Variants in MRPL47 observed in about 807,000 individuals in gnomAD.
MRPL47 encodes large ribosomal subunit protein uL29m.
A neutral mutation model predicts 34.0 loss-of-function variants in MRPL47; 31 were observed. The observed-to-expected ratio is 0.91, with a 90% CI of 0.68 to 1.23. The LOEUF (loss-of-function observed/expected upper bound fraction) is 1.23. Ranked by LOEUF, MRPL47 falls within the 50% of genes most tolerant of loss-of-function variation. MRPL47 has a pLI of 0.00. For synonymous variants in MRPL47, 106 were observed against 101.6 expected (o/e 1.04, Z -0.26); for missense variants, 328 against 285.8 (o/e 1.15, Z -1.07).
chr3:179,601,708 T>C lies in MRPL47; in HGVS notation c.305+22A>G, dbSNP rs755825714. On this transcript the variant is annotated intron_variant, in intron 3 of 6. Coordinates refer to ENST00000476781, the MANE Select transcript of MRPL47 (RefSeq NM_020409.3). ...TATAACGGCTTCAAACGTCTAGATG[T>C]TAATGTACTTAGTATACTTACCAAA... 10 of 1,462,642 alleles carry C rather than the reference T, an allele frequency of 6.8e-6. 1 individual carries two copies. In the South Asian group the frequency reaches 1.2e-4, roughly 17 times the overall value. The allele number at this position is 1,462,642 out of a possible 1,614,324, so 90.6% of individuals were successfully genotyped here.
intron 4 of MRPL47, among the ~76,000 whole-genome samples, chr3:179,597,421 T>G (rs77206816): frequency 3.8e-4 from 58 of 152,296 alleles, no homozygotes; most frequent in Non-Finnish European, 6.9e-4. Flanking sequence ...TTATAAAAAC[T>G]GAGTTCTGTT....
intron 4 of MRPL47, among the ~76,000 whole-genome samples, chr3:179,597,804 G>A (rs138389985): frequency 0.01 from 1,546 of 151,462 alleles, 29 homozygotes; most frequent in African/African-American, 0.036. Flanking sequence ...GCAAAACTCC[G>A]TCTCAAAAAA....
chr3:179,588,823 A>C lies in MRPL47; in HGVS notation c.*49T>G. The C allele has an allele frequency of 6.3e-7, 1 of 1,577,108 alleles. No homozygotes were observed. On this transcript the variant is annotated 3_prime_UTR_variant, in exon 7 of 7. Transcript: ENST00000476781. ...CCACTTAACATATTTACTCCTGTAC[A>C]CAGACTATTCAAGAAAAACAAAATG...
At chr3:179,594,584 G>C (rs1022234817) in intron 4 of MRPL47, among the ~76,000 whole-genome samples, 1 of 152,260 alleles carries the variant, frequency 6.6e-6, no homozygotes, top group Admixed American at 6.5e-5. Context: ...CCAGGTTCAA[G>C]CAATTCTCCT....
At chr3:179,598,397 G>GACACACACAC (rs11455585) in intron 4 of MRPL47, among the ~76,000 whole-genome samples, 4,173 of 102,876 alleles carry the variant, frequency 0.041, 232 homozygotes, top group African/African-American at 0.11. Context: ...CTGACACACT[G>GACACACACAC]ACACACACAC....
rs562776480 is a variant in MRPL47, at chr3:179,598,897, AC to A, written c.306-127del. The A allele has an allele frequency of 4.9e-5, 31 of 627,108 alleles. No individual in the cohort carries two copies. The South Asian group carries it at 5.2e-4, about 10-fold the overall frequency. The allele number at this position is 627,108 out of a possible 1,614,324, so 38.8% of individuals were successfully genotyped here. A position where few individuals can be genotyped will look rare whatever the true frequency, so the allele number is the denominator to read the frequency against. ...TTAGAGGCGAGGTGCTGTGGCTCACACCTGTAATCCCAGCACTTTGGGAGGC... is the reference window on the plus strand; with the variant it reads ...TTAGAGGCGAGGTGCTGTGGCTCACACTGTAATCCCAGCACTTTGGGAGGC... On this transcript the variant is annotated intron_variant, in intron 3 of 6. Coordinates refer to ENST00000476781, the MANE Select transcript of MRPL47 (RefSeq NM_020409.3).
chr3:179,592,264 T>G (rs1336554220), intron 6 of MRPL47, among the ~76,000 whole-genome samples: 1 of 152,124 alleles, frequency 6.6e-6, no homozygotes, highest in Non-Finnish European at 1.5e-5. Flanking sequence ...GCGCGATCTC[T>G]GCTCACTGCA....
chr3:179,597,302 A>G (rs899019646), intron 4 of MRPL47, among the ~76,000 whole-genome samples: 4 of 152,196 alleles, frequency 2.6e-5, no homozygotes, highest in African/African-American at 9.7e-5. Flanking sequence ...GATTTTCTCC[A>G]GGGATCGTTA....
Position 179,601,809 on chromosome 3 carries a change from AC to A in MRPL47, c.245-20del. ...GCTGCTCCTATTAAAATAATACATA[AC>A]ATGAAATAACATTTCTAGCCATGTG... is the stretch of plus-strand genomic sequence containing the variant. On this transcript the variant is annotated intron_variant, in intron 2 of 6. Transcript: ENST00000476781. 6.4e-7 allele frequency: 1 copy of A among 1,565,364 alleles called. No homozygotes were observed. The highest frequency in any genetic ancestry group is 1.4e-5 in the African/African-American group (1 of 73,878).
chr3:179,604,446 T>C, intron 1 of MRPL47, 81 bp downstream of exon 1: 1 of 1,387,200 alleles, frequency 7.2e-7, no homozygotes, highest in Non-Finnish European at 1.0e-6. Context: ...TCTTGAGTTG[T>C]TCTCGGCATC....
chr3:179,604,569 G>T lies in MRPL47; in HGVS notation c.56C>A (p.Ser19Tyr). ...CTGAGGAGTTATTAACGATCGGGAAGATTTCAGGGCGGATGAAACTCTCCT... is the reference window on the plus strand; with the variant it reads ...CTGAGGAGTTATTAACGATCGGGAATATTTCAGGGCGGATGAAACTCTCCT... ...LCRRVSSALK[S>Y]SRSLITPQVP... The change falls in exon 1 of 7, where the codon TCT becomes TAT. Residue 19 changes from serine to tyrosine, a missense_variant. Physicochemically the swap from Ser to Tyr is moderately radical, Grantham distance 144 (BLOSUM62 -2). Coordinates refer to ENST00000476781, the MANE Select transcript of MRPL47 (RefSeq NM_020409.3). 2 of 1,614,186 alleles carry T rather than the reference G, an allele frequency of 1.2e-6. No individual in the cohort carries two copies. The highest frequency in any genetic ancestry group is 1.7e-6 in the Non-Finnish European group (2 of 1,180,000).
At chr3:179,592,825 C>A in intron 5 of MRPL47, 86 bp from the exon 6 acceptor site, 2 of 790,854 alleles carry the variant, frequency 2.5e-6, no homozygotes, top group South Asian at 1.6e-5. Flanking sequence ...AGGGTTAGTC[C>A]AAATAAAAAT....
Position 179,604,598 on chromosome 3 carries a change from A to G in MRPL47, c.27T>C (p.Leu9=). The part of the protein sequence containing the change: MAAAGLAL[L]CRRVSSALKS... ...TCAGGGCGGATGAAACTCTCCTACA[A>G]AGAAGGGCCAAACCGGCCGCAGCCA... Residue 9 remains leucine (L), a synonymous_variant, in exon 1 of 7, where the codon CTT becomes CTC. Coordinates refer to ENST00000476781, the MANE Select transcript of MRPL47 (RefSeq NM_020409.3). The G allele has an allele frequency of 6.2e-7, 1 of 1,614,246 alleles. No individual in the cohort carries two copies. The highest frequency in any genetic ancestry group is 8.5e-7 in the Non-Finnish European group (1 of 1,180,040).
chr3:179,599,184 C>T (rs987686350), intron 3 of MRPL47, among the ~76,000 whole-genome samples: 6 of 149,924 alleles, frequency 4.0e-5, no homozygotes, highest in Admixed American at 1.3e-4. Context: ...AAAAAAAAGA[C>T]ATATTAGAAA....
At chr3:179,597,266 A>G (rs1242209380) in intron 4 of MRPL47, among the ~76,000 whole-genome samples, 2 of 152,222 alleles carry the variant, frequency 1.3e-5, no homozygotes, top group African/African-American at 2.4e-5. Context: ...GGGTAAATCA[A>G]TGAGGTTTCA....
intron 1 of MRPL47, among the ~76,000 whole-genome samples, chr3:179,603,612 C>T (rs768055259): frequency 2.6e-5 from 4 of 152,088 alleles, no homozygotes; most frequent in Non-Finnish European, 5.9e-5. Flanking sequence ...TCCTTTAATT[C>T]AGTAATTCTG....
rs780672082 is a variant in MRPL47, at chr3:179,598,787, C to G, written c.306-16G>C. 6.6e-7 allele frequency: 1 copy of G among 1,509,378 alleles called. No homozygotes were observed. Among genetic ancestry groups the G allele is most frequent in the Non-Finnish European group, 9.2e-7 (1 of 1,085,854 alleles). The allele number at this position is 1,509,378 out of a possible 1,614,324, so 93.5% of individuals were successfully genotyped here. A position where few individuals can be genotyped will look rare whatever the true frequency, so the allele number is the denominator to read the frequency against. ...TAAGACATACCTATACAAAAGAACA[C>G]AAACCTTGTGATGCTATTCTGTGGT... On this transcript the variant is annotated splice_polypyrimidine_tract_variant and intron_variant, in intron 3 of 6. Transcript: ENST00000476781.
chr3:179,593,701 G>T, intron 5 of MRPL47, 64 bp downstream of exon 5: 2 of 1,481,778 alleles, frequency 1.3e-6, no homozygotes, highest in Non-Finnish European at 9.1e-7. Context: ...AAAGATATTG[G>T]GCAGGGGAAT....
At chr3:179,601,946 T>C (rs1206362860) in intron 2 of MRPL47, among the ~76,000 whole-genome samples, 156 bp from the exon 3 acceptor site, 2 of 152,232 alleles carry the variant, frequency 1.3e-5, no homozygotes, top group African/African-American at 4.8e-5. Context: ...TAGAGATAAA[T>C]TAGGTAACAT....
Sources: allele counts gnomAD v4.1 joint callset (sites outside exome capture counted in the v4.1 genomes callset), GRCh38; gene constraint gnomAD v4.1.1; transcripts MANE v1.5; gene names NCBI Gene and HGNC (gene_info 2026-07-23, HGNC 2026-07-21).